P2RX2: variants seen among roughly 807,000 people sequenced by gnomAD.
P2RX2 encodes P2X purinoceptor 2.
In P2RX2, 50 loss-of-function variants were observed where a neutral mutation model predicts 54.8. The ratio of observed to expected loss-of-function variants is 0.91; its 90% CI spans 0.73 to 1.15. The LOEUF (loss-of-function observed/expected upper bound fraction) is 1.15, where lower values mean the gene tolerates loss of function less well. Ranked by LOEUF, P2RX2 falls within the 50% of genes most tolerant of loss-of-function variation. P2RX2 has a pLI of 0.00. For missense variants in P2RX2, 658 were observed against 633.2 expected, an observed-to-expected ratio of 1.04 and a Z score of -0.42; for synonymous variants, 289 against 259.4, an observed-to-expected ratio of 1.11 and a Z score of -1.09.
In P2RX2 at chr12:132,620,041, T is replaced by A; in HGVS notation, c.499T>A (p.Ser167Thr). 6.3e-7 allele frequency: 1 copy of A among 1,590,606 alleles called. No homozygotes were observed. The change falls in exon 5 of 11, where the codon TCC (serine) becomes ACC (threonine). Residue 167 changes from serine to threonine, a missense_variant. Coordinates refer to ENST00000643471, the MANE Select transcript of P2RX2 (RefSeq NM_170682.4). ...GRCVPYYQGPSKTCEVFGWCP... is the reference protein window; with the variant it reads ...GRCVPYYQGPTKTCEVFGWCP... Reference sequence around the variant, plus strand: ...CTGTGTGCCCTATTACCAGGGGCCCTCCAAGACCTGCGAGGTGTTCGGCTG... The same window carrying A: ...CTGTGTGCCCTATTACCAGGGGCCCACCAAGACCTGCGAGGTGTTCGGCTG...
At position 132,619,535 on chromosome 12, in the gene P2RX2, CAA is replaced by C. The variant is rs1384825798; in HGVS notation, c.272_273del (p.Lys91SerfsTer180). 6.8e-6 allele frequency: 11 copies of C among 1,612,282 alleles called. No individual in the cohort carries two copies. Among genetic ancestry groups the C allele is most frequent in the Non-Finnish European group, 8.5e-6 (10 of 1,179,290 alleles). On this transcript the variant is annotated frameshift_variant, in exon 2 of 11. Coordinates refer to ENST00000643471, the MANE Select transcript of P2RX2 (RefSeq NM_170682.4). LOFTEE classifies it high-confidence loss of function. Reference sequence around the variant, plus strand: ...TCAAGGGGATCACCACGTCCGAGCACAAAGTGTGGGACGTGGAGGAGTACGTG... The same window carrying C: ...TCAAGGGGATCACCACGTCCGAGCACAGTGTGGGACGTGGAGGAGTACGTG... ...KVKGITTSEH[K>X]VWDVEEYVKP...
intron 9 of P2RX2, 33 bp downstream of exon 9, chr12:132,621,378 C>T (rs769591887): frequency 6.2e-7 from 1 of 1,612,996 alleles, no homozygotes. Context: ...GGTGGCCAGC[C>T]CTGCTAGCCT....
At position 132,619,735 on chromosome 12, in the gene P2RX2, G is replaced by C; in HGVS notation, c.366G>C (p.Gln122His). 6.2e-7 allele frequency: 1 copy of C among 1,608,840 alleles called. No homozygotes were observed. The highest frequency in any genetic ancestry group is 1.1e-5 in the South Asian group (1 of 90,778). Residue 122 changes from glutamine (Q) to histidine (H), a missense_variant, in exon 3 of 11, where the codon CAG becomes CAC. Physicochemically the swap from Gln to His is conservative, Grantham distance 24 (BLOSUM62 0). Transcript: ENST00000643471. ...TCGAGGCCACCCACTCCCAGACCCA[G>C]GGAACCTGCCCCGAGGTGAGGGGAT... ...TRVEATHSQT[Q>H]GTCPESIRVH... is the part of the protein sequence containing the mutation.
chr12:132,619,954 G>GGGGGGGGC, intron 4 of P2RX2, 35 bp downstream of exon 4: 1 of 1,262,208 alleles, frequency 7.9e-7, no homozygotes, highest in Non-Finnish European at 1.1e-6. Flanking sequence ...GGCGGGTGGG[G>GGGGGGGGC]CAGGGCTGCG....
Position 132,622,056 on chromosome 12 carries a change from C to A in P2RX2, c.*84C>A. ...CTAGGGACCTGCACGTGGACGTGGG[C>A]ACCTCAGTAGCGGAGCATCTCCACG... On this transcript the variant is annotated 3_prime_UTR_variant, in exon 11 of 11. Coordinates refer to ENST00000643471, the MANE Select transcript of P2RX2 (RefSeq NM_170682.4). 1 of 1,591,348 alleles carries A rather than the reference C, an allele frequency of 6.3e-7. No homozygotes were observed. The highest frequency in any genetic ancestry group is 1.1e-5 in the South Asian group (1 of 87,386).
chr12:132,619,584 G>T lies in P2RX2; in HGVS notation c.309+10G>T, dbSNP rs1488490641. On this transcript the variant is annotated intron_variant, in intron 2 of 10. Coordinates refer to ENST00000643471, the MANE Select transcript of P2RX2 (RefSeq NM_170682.4). ...CGTGAAGCCCCCCGAGGTGCGGGCCGCCCCCTGCCCCCCGCCCCGCCGTGC... is the reference window on the plus strand; with the variant it reads ...CGTGAAGCCCCCCGAGGTGCGGGCCTCCCCCTGCCCCCCGCCCCGCCGTGC... The T allele has an allele frequency of 1.2e-6, 2 of 1,602,802 alleles. No homozygotes were observed. The highest frequency in any genetic ancestry group is 1.3e-5 in the African/African-American group (1 of 74,598).
At chr12:132,620,893 C>G in intron 7 of P2RX2, 108 bp from the exon 8 acceptor site, 2 of 744,446 alleles carry the variant, frequency 2.7e-6, no homozygotes, top group South Asian at 2.9e-5. Context: ...TCTCGAGGGG[C>G]CTCTCGTGTG....
chr12:132,622,038 C>T lies in P2RX2; in HGVS notation c.*66C>T, dbSNP rs1482364376. On this transcript the variant is annotated 3_prime_UTR_variant, in exon 11 of 11. Transcript: ENST00000643471. ...GGGCCAGAGAGTCCCCAGCTAGGGA[C>T]CTGCACGTGGACGTGGGCACCTCAG... is the stretch of plus-strand genomic sequence containing the variant. 6.9e-6 allele frequency: 11 copies of T among 1,603,250 alleles called. No homozygotes were observed. The East Asian group carries it at 1.8e-4, about 26-fold the overall frequency.
In P2RX2 at chr12:132,620,541, C is replaced by T. The variant is rs761750519; in HGVS notation, c.732C>T (p.Ile244=). 27 of 1,613,166 alleles carry T rather than the reference C, an allele frequency of 1.7e-5. No homozygotes were observed. Among genetic ancestry groups the T allele is most frequent in the Middle Eastern group, 3.3e-4 (2 of 6,078 alleles). The change falls in exon 7 of 11, where the codon ATC becomes ATT. Residue 244 remains isoleucine (I), a synonymous_variant. Coordinates refer to ENST00000643471, the MANE Select transcript of P2RX2 (RefSeq NM_170682.4). ...GCCCCATCTTCAAGCTGGGCTTTAT[C>T]GTGGAGAAGGCTGGGGAGAGCTTCA... ...LYCPIFKLGF[I]VEKAGESFTE...
intron 1 of P2RX2, 121 bp from the exon 2 acceptor site, chr12:132,619,318 G>C (rs2041534284): frequency 9.2e-7 from 1 of 1,088,136 alleles, no homozygotes; most frequent in African/African-American, 1.7e-5. Context: ...CGAGGGCGCG[G>C]GGCAGGCCCC....
At position 132,619,765 on chromosome 12, in the gene P2RX2, C is replaced by T. The variant is rs1357625124; in HGVS notation, c.381+15C>T. 4 of 1,609,860 alleles carry T rather than the reference C, an allele frequency of 2.5e-6. No individual in the cohort carries two copies. The highest frequency in any genetic ancestry group is 3.4e-6 in the Non-Finnish European group (4 of 1,178,478). On this transcript the variant is annotated intron_variant, in intron 3 of 10. Coordinates refer to ENST00000643471, the MANE Select transcript of P2RX2 (RefSeq NM_170682.4). Reference sequence around the variant, plus strand: ...CCTGCCCCGAGGTGAGGGGATCCCGCGGCGCTGGGGGACCCCGCCTCAGCT... The same window carrying T: ...CCTGCCCCGAGGTGAGGGGATCCCGTGGCGCTGGGGGACCCCGCCTCAGCT...
At chr12:132,621,166 A>G in intron 8 of P2RX2, 35 bp downstream of exon 8, 1 of 1,614,010 alleles carries the variant, frequency 6.2e-7, no homozygotes, top group Non-Finnish European at 8.5e-7. Context: ...CCACACTGGC[A>G]TAGCTGTGGT....
chr12:132,619,319 G>T, intron 1 of P2RX2, 120 bp from the exon 2 acceptor site: 1 of 1,098,224 alleles, frequency 9.1e-7, no homozygotes, highest in Non-Finnish European at 1.3e-6. Context: ...GAGGGCGCGG[G>T]GCAGGCCCCA....
Position 132,620,906 on chromosome 12 carries a change from CTT to C in P2RX2, c.775-94_775-93del. ...GCTCTCGAGGGGCCTCTCGTGTGCC[CTT>C]GTGACCCCCTTCCCTGGCCTGGGAC... On this transcript the variant is annotated intron_variant, in intron 7 of 10. Coordinates refer to ENST00000643471, the MANE Select transcript of P2RX2 (RefSeq NM_170682.4). The C allele has an allele frequency of 2.4e-4, 43 of 176,018 alleles. 20 individuals carry two copies. The highest frequency in any genetic ancestry group is 1.6e-3 in the South Asian group (12 of 7,614). The allele number at this position is 176,018 out of a possible 1,614,324, so 10.9% of individuals were successfully genotyped here.
rs1249359315 is a variant in P2RX2, at chr12:132,619,511, C to G, written c.246C>G (p.Val82=). 6 of 1,612,596 alleles carry G rather than the reference C, an allele frequency of 3.7e-6. No individual in the cohort carries two copies. The highest frequency in any genetic ancestry group is 5.1e-6 in the Non-Finnish European group (6 of 1,179,450). Reference sequence around the variant, plus strand: ...CCGAGAGCTCCATCATCACCAAGGTCAAGGGGATCACCACGTCCGAGCACA... The same window carrying G: ...CCGAGAGCTCCATCATCACCAAGGTGAAGGGGATCACCACGTCCGAGCACA... The part of the protein sequence containing the change: ...TGPESSIITK[V]KGITTSEHKV... Residue 82 remains valine, a synonymous_variant, in exon 2 of 11, where the codon GTC becomes GTG. Transcript: ENST00000643471.
Position 132,618,928 on chromosome 12 carries a change from A to G in P2RX2, c.112A>G (p.Asn38Asp). 7.5e-7 allele frequency: 1 copy of G among 1,330,514 alleles called. No individual in the cohort carries two copies. The highest frequency in any genetic ancestry group is 2.4e-5 in the South Asian group (1 of 42,154). 82.4% of individuals were successfully genotyped at this position (1,330,514 alleles called of 1,614,324 possible). Residue 38 changes from asparagine to aspartate, a missense_variant, in exon 1 of 11, where the codon AAC becomes GAC. Coordinates refer to ENST00000643471, the MANE Select transcript of P2RX2 (RefSeq NM_170682.4). ...YETPKVIVVR[N>D]RRLGVLYRAV... is the part of the protein sequence containing the mutation. ...GACGCCCAAGGTGATCGTGGTGAGGAACCGGCGCCTGGGGGTCCTGTACCG... is the reference window on the plus strand; with the variant it reads ...GACGCCCAAGGTGATCGTGGTGAGGGACCGGCGCCTGGGGGTCCTGTACCG...
intron 5 of P2RX2, 56 bp downstream of exon 5, chr12:132,620,152 C>A: frequency 2.0e-6 from 3 of 1,515,542 alleles, no homozygotes; most frequent in Non-Finnish European, 2.7e-6. Context: ...TTTCCCCTGA[C>A]CAGAGGCCAA....
In P2RX2 at chr12:132,620,924, G is replaced by A. The variant is rs868795230; in HGVS notation, c.775-77G>A. ...GTGTGCCCTTGTGACCCCCTTCCCT[G>A]GCCTGGGACTGACCCGGGCTCTCGA... is the stretch of plus-strand genomic sequence containing the variant. On this transcript the variant is annotated intron_variant, in intron 7 of 10. Coordinates refer to ENST00000643471, the MANE Select transcript of P2RX2 (RefSeq NM_170682.4). 37 of 46,568 alleles carry A rather than the reference G, an allele frequency of 7.9e-4. 16 individuals carry two copies. Among genetic ancestry groups the A allele is most frequent in the East Asian group, 0.011 (2 of 178 alleles). The allele number at this position is 46,568 out of a possible 1,614,324, so 2.9% of individuals were successfully genotyped here. A position where few individuals can be genotyped will look rare whatever the true frequency, so the allele number is the denominator to read the frequency against.
rs767148641 is a variant in P2RX2, at chr12:132,619,877, G to A, written c.415G>A (p.Asp139Asn). ...GGTCCACAACGCCACCTGCCTCTCC[G>A]ACGCCGACTGCGTGGCTGGGGAGCT... ...IRVHNATCLS[D>N]ADCVAGELDM... Residue 139 changes from aspartate (D) to asparagine (N), a missense_variant, in exon 4 of 11, where the codon GAC (aspartate) becomes AAC (asparagine). Physicochemically the swap from Asp to Asn is conservative, Grantham distance 23 (BLOSUM62 1). Transcript: ENST00000643471. 2 of 1,610,534 alleles carry A rather than the reference G, an allele frequency of 1.2e-6. No individual in the cohort carries two copies. Among genetic ancestry groups the A allele is most frequent in the East Asian group, 2.2e-5 (1 of 44,746 alleles).
Sources: gnomAD v4.1 joint callset for allele counts on GRCh38, gnomAD v4.1.1 for gene constraint, MANE v1.5 for transcripts, NCBI Gene and HGNC (gene_info 2026-07-23, HGNC 2026-07-21) for gene names.